RYK: variants seen among roughly 807,000 people sequenced by gnomAD.
The protein encoded by RYK is inactive tyrosine-protein kinase RYK.
RYK carries 21 observed loss-of-function variants against 70.2 expected under a neutral mutation model. The ratio of observed to expected loss-of-function variants is 0.30; its 90% CI spans 0.21 to 0.43. RYK has a LOEUF of 0.43. Among genes scored for constraint, RYK ranks in the 20% least tolerant of loss-of-function variants. The pLI is 1.00. For synonymous variants in RYK, 267 were observed against 278.0 expected, an observed-to-expected ratio of 0.96 and a Z score of 0.39; for missense variants, 604 against 753.3, an observed-to-expected ratio of 0.80 and a Z score of 2.32.
rs2015597613 is a variant in RYK, at chr3:134,250,703, G to A, written c.-49C>T. 1.3e-5 allele frequency: 12 copies of A among 903,014 alleles called. No individual in the cohort carries two copies. The South Asian group carries it at 5.4e-4, about 41-fold the overall frequency. The allele number at this position is 903,014 out of a possible 1,614,324, so 55.9% of individuals were successfully genotyped here. A position where few individuals can be genotyped will look rare whatever the true frequency, so the allele number is the denominator to read the frequency against. On this transcript the variant is annotated 5_prime_UTR_variant, in exon 1 of 15. Coordinates refer to ENST00000623711, the MANE Select transcript of RYK (RefSeq NM_002958.4). ...AGGAGCGTCGGCCGCCCGCCGCACC[G>A]CCGCCCACCCCCGGCCCCGAGCCGC...
intron 1 of RYK, among the ~76,000 whole-genome samples, chr3:134,227,866 G>T (rs1041666240): frequency 8.5e-4 from 130 of 152,180 alleles, no homozygotes; most frequent in African/African-American, 3.0e-3. Context: ...GTAGAGACAG[G>T]GTTTCACCAT....
At chr3:134,225,305 TAAA>T (rs2014874667) in intron 1 of RYK, among the ~76,000 whole-genome samples, 1 of 151,940 alleles carries the variant, frequency 6.6e-6, no homozygotes, top group African/African-American at 2.4e-5. Context: ...GTCAGATAAA[TAAA>T]AAGAAGAAAA....
At position 134,183,019 on chromosome 3, in the gene RYK, C is replaced by CAG; in HGVS notation, c.1153_1154dup (p.Arg386CysfsTer17). Reference sequence around the variant, plus strand: ...CCTCTCACCTGTGATGAAGACCTCGCAGCTTACAACTTTCAGTGAGCATCA... The same window carrying CAG: ...CCTCTCACCTGTGATGAAGACCTCGCAGAGCTTACAACTTTCAGTGAGCATCA... On this transcript the variant is annotated frameshift_variant, in exon 10 of 15. Transcript: ENST00000623711. LOFTEE classifies it high-confidence loss of function. 6.3e-7 allele frequency: 1 copy of CAG among 1,588,598 alleles called. No homozygotes were observed. The highest frequency in any genetic ancestry group is 8.6e-7 in the Non-Finnish European group (1 of 1,165,778).
chr3:134,189,604 C>CA (rs575076025), intron 8 of RYK, among the ~76,000 whole-genome samples: 136 of 149,692 alleles, frequency 9.1e-4, no homozygotes, highest in South Asian at 1.5e-3. Flanking sequence ...ACTAAAAATA[C>CA]AAAAAAAAAT....
chr3:134,194,616 A>G (rs1006057761), intron 7 of RYK, among the ~76,000 whole-genome samples: 6 of 152,220 alleles, frequency 3.9e-5, no homozygotes, highest in African/African-American at 1.4e-4. Flanking sequence ...AAAAAAGGAA[A>G]TCAGATCCGA....
chr3:134,215,194 C>T (rs1272366280), intron 2 of RYK, among the ~76,000 whole-genome samples: 5 of 151,970 alleles, frequency 3.3e-5, no homozygotes, highest in Admixed American at 2.6e-4. Context: ...GCAGAGAGGG[C>T]CTGGCAAAGG....
intron 1 of RYK, among the ~76,000 whole-genome samples, chr3:134,232,086 C>T (rs1295949162): frequency 2.6e-5 from 4 of 152,210 alleles, no homozygotes; most frequent in Non-Finnish European, 5.9e-5. Flanking sequence ...ACTATAGTAT[C>T]TCAACAGCTA....
At chr3:134,183,690 C>T (rs969992481) in intron 9 of RYK, among the ~76,000 whole-genome samples, 19 of 152,194 alleles carry the variant, frequency 1.2e-4, no homozygotes, top group African/African-American at 3.9e-4. Context: ...ATCAATCCCA[C>T]TGCTAAGAGT....
chr3:134,250,201 A>G (rs866253951), intron 1 of RYK, among the ~76,000 whole-genome samples: 9 of 151,968 alleles, frequency 5.9e-5, no homozygotes, highest in African/African-American at 1.9e-4. Flanking sequence ...GCGGCGGGGC[A>G]GCGAGGGCGG....
At chr3:134,209,601 G>A (rs191666280) in intron 4 of RYK, 94 bp downstream of exon 4, 34 of 904,028 alleles carry the variant, frequency 3.8e-5, no homozygotes, top group Middle Eastern at 7.1e-4. Context: ...ATAATCATGA[G>A]TTGGACATAC....
intron 7 of RYK, 104 bp downstream of exon 7, chr3:134,194,978 C>T (rs1370451339): frequency 1.3e-5 from 10 of 780,862 alleles, no homozygotes; most frequent in Non-Finnish European, 1.9e-5. Context: ...ACTTTAGATA[C>T]GATTTACACA....
intron 13 of RYK, among the ~76,000 whole-genome samples, chr3:134,171,803 G>A (rs1268964475): frequency 6.6e-6 from 1 of 151,914 alleles, no homozygotes; most frequent in Admixed American, 6.6e-5. Flanking sequence ...GGAGTACAAG[G>A]CTACACTGAG....
intron 6 of RYK, among the ~76,000 whole-genome samples, chr3:134,200,611 C>T (rs1404334506): frequency 1.3e-5 from 2 of 152,198 alleles, no homozygotes; most frequent in Admixed American, 6.5e-5. Flanking sequence ...ATTTACTATA[C>T]GTAGGGCTCT....
intron 3 of RYK, 105 bp downstream of exon 3, chr3:134,211,403 C>T: frequency 1.6e-6 from 1 of 641,948 alleles, no homozygotes; most frequent in Non-Finnish European, 2.7e-6. Flanking sequence ...ACATCTTATG[C>T]CTATCAAGTA....
chr3:134,239,861 C>A (rs543522169), intron 1 of RYK, among the ~76,000 whole-genome samples: 1 of 152,246 alleles, frequency 6.6e-6, no homozygotes, highest in South Asian at 2.1e-4. Flanking sequence ...GGAAGATGAG[C>A]CTCTCTGGGG....
intron 9 of RYK, among the ~76,000 whole-genome samples, chr3:134,184,121 T>C (rs1487135352): frequency 2.0e-5 from 3 of 152,314 alleles, no homozygotes; most frequent in Non-Finnish European, 4.4e-5. Context: ...TTTACTTCTC[T>C]GTGGTTAAAA....
At chr3:134,228,452 C>G (rs116566283) in intron 1 of RYK, among the ~76,000 whole-genome samples, 3,519 of 152,178 alleles carry the variant, frequency 0.023, 134 homozygotes, top group African/African-American at 0.08. Flanking sequence ...AACTGTCCAA[C>G]AAGGAATGAA....
At chr3:134,200,564 G>A (rs200844570) in intron 6 of RYK, among the ~76,000 whole-genome samples, 1 of 152,160 alleles carries the variant, frequency 6.6e-6, no homozygotes, top group Admixed American at 6.5e-5. Context: ...GGACATACTA[G>A]CATATTGCAA....
chr3:134,213,666 T>C (rs2014466179), intron 2 of RYK, among the ~76,000 whole-genome samples: 1 of 152,182 alleles, frequency 6.6e-6, no homozygotes, highest in South Asian at 2.1e-4. Flanking sequence ...AAGTCATCTG[T>C]TCCCCTTCCT....
Sources: allele counts gnomAD v4.1 joint callset (sites outside exome capture counted in the v4.1 genomes callset), GRCh38; gene constraint gnomAD v4.1.1; transcripts MANE v1.5; gene names NCBI Gene and HGNC (gene_info 2026-07-23, HGNC 2026-07-21).